The following WWOX variants were observed in gnomAD, a reference collection of about 807,000 sequenced individuals.
WWOX encodes the protein WW domain-containing oxidoreductase.
WWOX carries 69 observed loss-of-function variants against 46.2 expected under a neutral mutation model. That is an observed-to-expected ratio of 1.49 (90% confidence interval 1.23 to 1.82). The LOEUF (loss-of-function observed/expected upper bound fraction) is 1.82. WWOX is among the 40% of genes most tolerant of loss of function. The pLI is 0.00. For synonymous variants in WWOX, 359 were observed against 202.6 expected, an observed-to-expected ratio of 1.77 and a Z score of -6.56; for missense variants, 919 against 542.6, an observed-to-expected ratio of 1.69 and a Z score of -6.89.
intron 8 of WWOX, among the ~76,000 whole-genome samples, chr16:78,601,286 A>T (rs565248964): frequency 6.6e-6 from 1 of 152,294 alleles, no homozygotes; most frequent in South Asian, 2.1e-4. Flanking sequence ...TGTTTGTGAA[A>T]AGCAAGTTGC....
intron 8 of WWOX, among the ~76,000 whole-genome samples, chr16:78,859,027 AATATAT>A (rs1555551611): frequency 4.2e-5 from 1 of 23,702 alleles, no homozygotes; most frequent in African/African-American, 1.8e-4. Context: ...AAAAAAAAAA[AATATAT>A]ATATATATAT....
intron 8 of WWOX, among the ~76,000 whole-genome samples, chr16:78,459,331 C>A (rs1201592628): frequency 6.6e-6 from 1 of 152,134 alleles, no homozygotes; most frequent in Admixed American, 6.5e-5. Flanking sequence ...ACATGGTATC[C>A]CCAGCATTTT....
At chr16:79,111,547 T>C (rs2049416667) in intron 8 of WWOX, among the ~76,000 whole-genome samples, 1 of 152,210 alleles carries the variant, frequency 6.6e-6, no homozygotes. Flanking sequence ...TTTTTTTATG[T>C]ACTCTTTTGA....
intron 8 of WWOX, among the ~76,000 whole-genome samples, chr16:78,474,571 A>G (rs2084311329): frequency 1.3e-5 from 2 of 152,204 alleles, no homozygotes; most frequent in Non-Finnish European, 2.9e-5. Flanking sequence ...TTTATTTTTT[A>G]TAACAGCTTT....
chr16:78,496,591 C>G (rs1290025539), intron 8 of WWOX, among the ~76,000 whole-genome samples: 2 of 152,180 alleles, frequency 1.3e-5, no homozygotes, highest in Non-Finnish European at 2.9e-5. Flanking sequence ...ATGGATTTGT[C>G]CCATTACACT....
intron 8 of WWOX, among the ~76,000 whole-genome samples, chr16:78,928,932 C>T (rs2045560791): frequency 6.6e-6 from 1 of 152,138 alleles, no homozygotes; most frequent in Non-Finnish European, 1.5e-5. Context: ...ACCAGAAGTG[C>T]CCCTTTAAGT....
chr16:78,821,349 C>G (rs1411525975), intron 8 of WWOX, among the ~76,000 whole-genome samples: 1 of 152,138 alleles, frequency 6.6e-6, no homozygotes, highest in Non-Finnish European at 1.5e-5. Context: ...CCCCCCAGCC[C>G]CCACCCCACA....
chr16:78,862,806 A>C (rs1426681162), intron 8 of WWOX, among the ~76,000 whole-genome samples: 2 of 152,158 alleles, frequency 1.3e-5, no homozygotes, highest in African/African-American at 2.4e-5. Context: ...TGGGAAGGGC[A>C]GTCTGCTTTA....
intron 5 of WWOX, among the ~76,000 whole-genome samples, chr16:78,269,581 C>G (rs189832829): frequency 5.9e-5 from 9 of 152,302 alleles, no homozygotes; most frequent in Admixed American, 5.2e-4. Context: ...CATTGCCATC[C>G]TCATCAAAAG....
intron 8 of WWOX, among the ~76,000 whole-genome samples, chr16:79,120,923 C>G (rs2049617411): frequency 6.6e-6 from 1 of 152,210 alleles, no homozygotes; most frequent in Admixed American, 6.5e-5. Flanking sequence ...CGTGCGCCAC[C>G]ATGCCCGGTC....
At chr16:78,876,061 A>C (rs1470375243) in intron 8 of WWOX, among the ~76,000 whole-genome samples, 1 of 152,166 alleles carries the variant, frequency 6.6e-6, no homozygotes, top group Non-Finnish European at 1.5e-5. Flanking sequence ...CTGCAGATGG[A>C]CAGCTGCCAA....
intron 8 of WWOX, among the ~76,000 whole-genome samples, chr16:78,727,374 G>T (rs982644112): frequency 6.6e-6 from 1 of 152,184 alleles, no homozygotes; most frequent in Non-Finnish European, 1.5e-5. Flanking sequence ...GACAGAGCAA[G>T]ACTCCATCTC....
At chr16:78,996,185 A>G in intron 8 of WWOX, 3 of 983,230 alleles carry the variant, frequency 3.1e-6, no homozygotes, top group Non-Finnish European at 3.6e-6. Context: ...TCTTCTTTAA[A>G]TAAAATCTCC....
chr16:78,568,529 G>A (rs958567706), intron 8 of WWOX, among the ~76,000 whole-genome samples: 7 of 143,662 alleles, frequency 4.9e-5, no homozygotes, highest in Admixed American at 7.1e-5. Flanking sequence ...AGGCTGGAGT[G>A]CAGTGGCCCG....
intron 8 of WWOX, among the ~76,000 whole-genome samples, chr16:78,993,851 G>A (rs1240198316): frequency 3.9e-5 from 6 of 152,292 alleles, no homozygotes; most frequent in East Asian, 3.9e-4. Flanking sequence ...TCTCCACGGC[G>A]GAGCCCGCTG....
intron 8 of WWOX, among the ~76,000 whole-genome samples, chr16:78,923,949 G>C (rs1032915601): frequency 6.6e-6 from 1 of 151,764 alleles, no homozygotes; most frequent in Non-Finnish European, 1.5e-5. Flanking sequence ...ACAGGTGCCC[G>C]CCACCACGCC....
intron 5 of WWOX, among the ~76,000 whole-genome samples, chr16:78,180,593 C>G (rs969152842): frequency 6.6e-6 from 1 of 151,482 alleles, no homozygotes; most frequent in South Asian, 2.1e-4. Context: ...TATGTTAGGG[C>G]TTGTGGGTAA....
intron 8 of WWOX, among the ~76,000 whole-genome samples, chr16:78,890,015 A>G (rs767438689): frequency 6.6e-6 from 1 of 151,928 alleles, no homozygotes; most frequent in Non-Finnish European, 1.5e-5. Context: ...AAATGTTAGG[A>G]ATTTTCTGAA....
chr16:78,160,386 G>T (rs976559767), intron 4 of WWOX, among the ~76,000 whole-genome samples: 1 of 151,988 alleles, frequency 6.6e-6, no homozygotes, highest in African/African-American at 2.4e-5. Flanking sequence ...CGGCCACCCC[G>T]ATTCCTGGGA....
Sources: gnomAD v4.1 joint callset for allele counts (sites outside exome capture counted in the v4.1 genomes callset) on GRCh38, gnomAD v4.1.1 for gene constraint, MANE v1.5 for transcripts, NCBI Gene and HGNC (gene_info 2026-07-23, HGNC 2026-07-21) for gene names.